MCU: variants seen among roughly 807,000 people sequenced by gnomAD.
The protein encoded by MCU is mitochondrial calcium uniporter.
A neutral mutation model predicts 45.2 loss-of-function variants in MCU; 12 were observed. The ratio of observed to expected loss-of-function variants is 0.27; its 90% confidence interval spans 0.17 to 0.43. The LOEUF is 0.43. Among genes scored for constraint, MCU ranks in the 20% least tolerant of loss-of-function variants. MCU has a pLI of 1.00. For synonymous variants in MCU, 160 were observed against 165.1 expected, an observed-to-expected ratio of 0.97 and a Z score of 0.24; for missense variants, 324 against 436.7, an observed-to-expected ratio of 0.74 and a Z score of 2.30.
At chr10:72,867,937 T>TA (rs1845482689) in intron 4 of MCU, among the ~76,000 whole-genome samples, 1 of 151,926 alleles carries the variant, frequency 6.6e-6, no homozygotes, top group Admixed American at 6.6e-5. Context: ...ATACTATATA[T>TA]TTTTCCCTTA....
At chr10:72,731,723 T>C (rs1843177095) in intron 1 of MCU, among the ~76,000 whole-genome samples, 2 of 152,364 alleles carry the variant, frequency 1.3e-5, no homozygotes, top group African/African-American at 4.8e-5. Flanking sequence ...CATGGCCTTT[T>C]GTGACTGATT....
At chr10:72,846,128 T>G (rs369103703) in intron 2 of MCU, among the ~76,000 whole-genome samples, 1 of 152,096 alleles carries the variant, frequency 6.6e-6, no homozygotes, top group African/African-American at 2.4e-5. Flanking sequence ...CTGCAACCTC[T>G]GCCTCCCAGG....
intron 1 of MCU, among the ~76,000 whole-genome samples, chr10:72,803,502 A>G (rs1235306246): frequency 6.6e-6 from 1 of 152,014 alleles, no homozygotes; most frequent in Non-Finnish European, 1.5e-5. Context: ...TGCAAGCTGT[A>G]AAGTCTGAGA....
intron 1 of MCU, chr10:72,692,814 C>A: frequency 7.0e-7 from 1 of 1,419,188 alleles, no homozygotes; most frequent in Non-Finnish European, 9.2e-7. Flanking sequence ...GGCCGCCCCT[C>A]GTCCTCTCTC....
At chr10:72,865,520 C>T (rs1331235047) in intron 4 of MCU, among the ~76,000 whole-genome samples, 1 of 152,016 alleles carries the variant, frequency 6.6e-6, no homozygotes, top group African/African-American at 2.4e-5. Flanking sequence ...AATCCATAAA[C>T]AGTTTGTTTT....
chr10:72,692,379 G>C, intron 1 of MCU, 78 bp downstream of exon 1: 1 of 1,099,992 alleles, frequency 9.1e-7, no homozygotes, highest in Non-Finnish European at 1.1e-6. Flanking sequence ...GCAGGCCGCC[G>C]GGGCAGCAGG....
intron 5 of MCU, among the ~76,000 whole-genome samples, 196 bp from the exon 6 acceptor site, chr10:72,871,181 T>G (rs1328567048): frequency 6.6e-6 from 1 of 152,230 alleles, no homozygotes; most frequent in Non-Finnish European, 1.5e-5. Flanking sequence ...ATTACAGATG[T>G]GAGCCACTGC....
At chr10:72,865,811 C>G (rs1432926407) in intron 4 of MCU, among the ~76,000 whole-genome samples, 2 of 145,358 alleles carry the variant, frequency 1.4e-5, no homozygotes, top group African/African-American at 5.1e-5. Context: ...GAGTCTTGCT[C>G]TGTTGCCCAG....
At chr10:72,753,893 AAAAC>A (rs1480914927) in intron 1 of MCU, among the ~76,000 whole-genome samples, 2 of 152,064 alleles carry the variant, frequency 1.3e-5, no homozygotes, top group Non-Finnish European at 2.9e-5. Flanking sequence ...AAAAAACAAA[AAAAC>A]AAAACACACA....
intron 1 of MCU, among the ~76,000 whole-genome samples, chr10:72,694,678 G>A (rs911854449): frequency 4.6e-5 from 7 of 152,180 alleles, no homozygotes; most frequent in Admixed American, 3.9e-4. Flanking sequence ...TGCAGCAGAT[G>A]GCAGTCTGCA....
chr10:72,867,696 T>C (rs1171775388), intron 4 of MCU, among the ~76,000 whole-genome samples: 2 of 151,966 alleles, frequency 1.3e-5, no homozygotes, highest in Admixed American at 6.5e-5. Context: ...TACTAAAATA[T>C]ACAAAAAAAT....
At chr10:72,706,221 C>CTT (rs1410907931) in intron 1 of MCU, among the ~76,000 whole-genome samples, 6 of 134,166 alleles carry the variant, frequency 4.5e-5, no homozygotes, top group African/African-American at 1.1e-4. Flanking sequence ...ATGGTCTTAT[C>CTT]TTTTTTTTTT....
intron 1 of MCU, among the ~76,000 whole-genome samples, chr10:72,747,403 GA>G (rs1843429766): frequency 6.6e-6 from 1 of 152,176 alleles, no homozygotes; most frequent in Non-Finnish European, 1.5e-5. Flanking sequence ...ATATGTTAAA[GA>G]ATGTATAGTG....
intron 3 of MCU, among the ~76,000 whole-genome samples, chr10:72,859,672 A>G (rs1845347150): frequency 6.6e-6 from 1 of 152,238 alleles, no homozygotes; most frequent in African/African-American, 2.4e-5. Flanking sequence ...TTCGGTGTAG[A>G]ATAAATACTT....
At chr10:72,829,628 C>T (rs2132827525) in intron 1 of MCU, among the ~76,000 whole-genome samples, 1 of 148,578 alleles carries the variant, frequency 6.7e-6, no homozygotes, top group East Asian at 1.9e-4. Context: ...AAAAAAAAAC[C>T]TAAACAGTAA....
intron 1 of MCU, among the ~76,000 whole-genome samples, chr10:72,701,155 T>G (rs1031222177): frequency 6.6e-6 from 1 of 152,212 alleles, no homozygotes; most frequent in African/African-American, 2.4e-5. Flanking sequence ...ACTGATAAAT[T>G]GTCAGATAAT....
chr10:72,811,478 G>C (rs1229105733), intron 1 of MCU, among the ~76,000 whole-genome samples: 1 of 152,178 alleles, frequency 6.6e-6, no homozygotes, highest in African/African-American at 2.4e-5. Context: ...AATAAGACTT[G>C]TTTTGTAAGA....
At chr10:72,748,559 G>A (rs1188213422) in intron 1 of MCU, among the ~76,000 whole-genome samples, 1 of 152,150 alleles carries the variant, frequency 6.6e-6, no homozygotes, top group Non-Finnish European at 1.5e-5. Context: ...GCTCATGCCT[G>A]TAATCCTGGT....
rs555273082 is a variant in MCU at position 72,735,591 on chromosome 10, G to A, written c.150+43290G>A. On this transcript the variant is annotated intron_variant, in intron 1 of 7. Coordinates refer to ENST00000373053, the MANE Select transcript of MCU (RefSeq NM_138357.3). ...TTAATGGTAAACATTTAAAAACAAA[G>A]GCATATTCAAGAGAGAAACCAGAAT... 1.3e-5 allele frequency among the ~76,000 whole-genome samples: 2 copies of A among 152,190 alleles called. 1 individual carries two copies. The highest frequency in any genetic ancestry group is 1.3e-4 in the Admixed American group (2 of 15,270).
Sources: gnomAD v4.1 joint callset for allele counts (sites outside exome capture counted in the v4.1 genomes callset) on GRCh38, gnomAD v4.1.1 for gene constraint, MANE v1.5 for transcripts, NCBI Gene and HGNC (gene_info 2026-07-23, HGNC 2026-07-21) for gene names.